The following PLXNA4 variants were observed in gnomAD, a reference collection of about 807,000 sequenced individuals.
The protein encoded by PLXNA4 is plexin A4.
In PLXNA4, 44 loss-of-function variants were observed where a neutral mutation model predicts 191.8. The observed-to-expected ratio is 0.23, with a 90% CI of 0.18 to 0.29. The LOEUF (loss-of-function observed/expected upper bound fraction) is 0.29, where lower values mean the gene tolerates loss of function less well. Ranked by LOEUF, PLXNA4 falls within the 10% of genes least tolerant of loss-of-function variation. PLXNA4 has a pLI of 1.00. For synonymous variants in PLXNA4, 1,082 were observed against 1,009.5 expected (o/e 1.07, Z -1.36); for missense variants, 1,800 against 2,488.8 (o/e 0.72, Z 5.89).
chr7:132,272,672 C>A (rs1242373920), intron 4 of PLXNA4, among the ~76,000 whole-genome samples: 1 of 152,176 alleles, frequency 6.6e-6, no homozygotes, highest in East Asian at 1.9e-4. Context: ...CTTCACCAAT[C>A]TCTCATCTTA....
At chr7:132,156,714 A>C (rs1272598283) in intron 25 of PLXNA4, among the ~76,000 whole-genome samples, 1 of 152,218 alleles carries the variant, frequency 6.6e-6, no homozygotes, top group Non-Finnish European at 1.5e-5. Context: ...TTACATTTGT[A>C]AATTGCTCTT....
At chr7:132,393,200 ACC>A (rs1793591424) in intron 3 of PLXNA4, among the ~76,000 whole-genome samples, 1 of 38,148 alleles carries the variant, frequency 2.6e-5, no homozygotes, top group African/African-American at 1.2e-4. Context: ...ACCCCCCCCC[ACC>A]ACCACCACCA....
At chr7:132,428,908 T>C (rs1322533779) in intron 3 of PLXNA4, among the ~76,000 whole-genome samples, 6 of 151,978 alleles carry the variant, frequency 3.9e-5, no homozygotes, top group African/African-American at 1.2e-4. Flanking sequence ...CAGGGACCAA[T>C]GTGAGGAAAA....
chr7:132,182,483 C>T (rs544528591), intron 16 of PLXNA4, among the ~76,000 whole-genome samples: 2 of 152,274 alleles, frequency 1.3e-5, no homozygotes, highest in South Asian at 4.1e-4. Context: ...CTCTCCAAGG[C>T]CTCTTGATTT....
intron 3 of PLXNA4, among the ~76,000 whole-genome samples, chr7:132,381,419 T>A (rs1304193692): frequency 6.6e-6 from 1 of 152,212 alleles, no homozygotes; most frequent in African/African-American, 2.4e-5. Flanking sequence ...GCCAAATAAG[T>A]TTGAAGAAAA....
Position 132,619,114 on chromosome 7 carries a change from C to A in PLXNA4, c.-87+26814G>T, listed in dbSNP as rs1803211673. 2.6e-5 allele frequency among the ~76,000 whole-genome samples: 4 copies of A among 152,152 alleles called. No homozygotes were observed. In the South Asian group the frequency reaches 6.2e-4, roughly 24 times the overall value. ...GAAAATGTCAGCGAAGTGTAAATCC[C>A]AAAAAACCTTCTTAACCAAGATTTC... On this transcript the variant is annotated intron_variant, in intron 2 of 4. Transcript: ENST00000378539.
chr7:132,160,817 C>T (rs1235128317), intron 24 of PLXNA4, among the ~76,000 whole-genome samples: 2 of 152,204 alleles, frequency 1.3e-5, no homozygotes, highest in Non-Finnish European at 1.5e-5. Flanking sequence ...CCCCTTCTTG[C>T]TGCATGTGGT....
intron 10 of PLXNA4, among the ~76,000 whole-genome samples, chr7:132,209,003 C>A (rs1439555831): frequency 6.6e-6 from 1 of 152,234 alleles, no homozygotes; most frequent in Non-Finnish European, 1.5e-5. Flanking sequence ...CATTTCAACA[C>A]AATCTACTTC....
chr7:132,634,598 C>G (rs1010358522), intron 2 of PLXNA4, among the ~76,000 whole-genome samples: 10 of 152,228 alleles, frequency 6.6e-5, no homozygotes, highest in African/African-American at 2.2e-4. Flanking sequence ...ACAAGCGCCC[C>G]TGGGCCTTTG....
intron 4 of PLXNA4, among the ~76,000 whole-genome samples, chr7:132,291,769 G>A (rs1040505597): frequency 2.0e-5 from 3 of 152,146 alleles, no homozygotes; most frequent in Non-Finnish European, 4.4e-5. Context: ...TATGGAATGA[G>A]GAACACTGGA....
intron 3 of PLXNA4, among the ~76,000 whole-genome samples, chr7:132,485,719 T>C (rs964089434): frequency 1.3e-5 from 2 of 152,240 alleles, no homozygotes; most frequent in Non-Finnish European, 2.9e-5. Flanking sequence ...GTAGTATTTA[T>C]AGGTCATATT....
intron 1 of PLXNA4, among the ~76,000 whole-genome samples, chr7:132,562,738 TCTC>T (rs1460927794): frequency 2.9e-5 from 2 of 68,594 alleles, no homozygotes; most frequent in African/African-American, 1.3e-4. Context: ...TCCTCCTCCT[TCTC>T]CTCCTCCTTC....
chr7:132,238,610 T>C (rs182932504), intron 5 of PLXNA4, among the ~76,000 whole-genome samples: 68 of 152,302 alleles, frequency 4.5e-4, no homozygotes, highest in Non-Finnish European at 7.4e-4. Context: ...TGAGAGCCTG[T>C]GCTTAACAAG....
intron 3 of PLXNA4, among the ~76,000 whole-genome samples, chr7:132,437,614 C>A (rs184591059): frequency 6.6e-6 from 1 of 151,986 alleles, no homozygotes; most frequent in South Asian, 2.1e-4. Flanking sequence ...CTGTACCCTC[C>A]GCACCAAGAG....
intron 1 of PLXNA4, among the ~76,000 whole-genome samples, chr7:132,552,371 T>C (rs1800601190): frequency 6.6e-6 from 1 of 152,188 alleles, no homozygotes; most frequent in Non-Finnish European, 1.5e-5. Flanking sequence ...GGGGGAGTTA[T>C]TTGTTTGGGG....
intron 3 of PLXNA4, among the ~76,000 whole-genome samples, chr7:132,390,934 C>T (rs1248352126): frequency 1.3e-5 from 2 of 152,162 alleles, no homozygotes; most frequent in Non-Finnish European, 2.9e-5. Context: ...ACTCAAAAGC[C>T]GGTAAGCAGA....
At chr7:132,405,045 G>A (rs1412406544) in intron 3 of PLXNA4, among the ~76,000 whole-genome samples, 1 of 143,432 alleles carries the variant, frequency 7.0e-6, no homozygotes, top group Non-Finnish European at 1.5e-5. Context: ...AATAAGAGAG[G>A]GCAGCTGAGG....
At chr7:132,157,920 C>T (rs545405493) in intron 25 of PLXNA4, among the ~76,000 whole-genome samples, 2 of 152,346 alleles carry the variant, frequency 1.3e-5, no homozygotes, top group South Asian at 4.1e-4. Flanking sequence ...TCTGTGGGCT[C>T]TTCATGGCAG....
chr7:132,560,731 C>A (rs1801001553), intron 1 of PLXNA4, among the ~76,000 whole-genome samples: 1 of 152,114 alleles, frequency 6.6e-6, no homozygotes, highest in African/African-American at 2.4e-5. Context: ...TCTCCAGCTC[C>A]ACTAATGGCA....
Sources: allele counts gnomAD v4.1 joint callset (sites outside exome capture counted in the v4.1 genomes callset), GRCh38; gene constraint gnomAD v4.1.1; transcripts MANE v1.5; gene names NCBI Gene and HGNC (gene_info 2026-07-23, HGNC 2026-07-21).